WDPCP: variants seen among roughly 807,000 people sequenced by gnomAD.
WDPCP encodes the protein WD repeat-containing and planar cell polarity effector protein fritz homolog.
A neutral mutation model predicts 93.1 loss-of-function variants in WDPCP; 71 were observed. The ratio of observed to expected loss-of-function variants is 0.76; its 90% CI spans 0.63 to 0.93. The LOEUF is 0.93. WDPCP is among the 40% of genes least tolerant of loss of function. The pLI, the probability that WDPCP is intolerant of heterozygous loss-of-function variation, is 0.00. For missense variants in WDPCP, 844 were observed against 887.4 expected (o/e 0.95, Z 0.62); for synonymous variants, 315 against 315.0 (o/e 1.00, Z 0.00).
intron 10 of WDPCP, among the ~76,000 whole-genome samples, chr2:63,386,750 ATC>A (rs759569597): frequency 5.9e-5 from 9 of 152,114 alleles, no homozygotes; most frequent in East Asian, 1.9e-4. Flanking sequence ...AGCATTTTTA[ATC>A]TGTTAGCGAA....
At chr2:63,776,215 C>T (rs903459343) in intron 2 of WDPCP, among the ~76,000 whole-genome samples, 3 of 149,912 alleles carry the variant, frequency 2.0e-5, no homozygotes, top group Non-Finnish European at 1.5e-5. Flanking sequence ...GATAAGCCAC[C>T]GACAGGAAGA....
At chr2:63,336,481 G>A (rs1688376136) in intron 12 of WDPCP, among the ~76,000 whole-genome samples, 1 of 152,108 alleles carries the variant, frequency 6.6e-6, no homozygotes, top group African/African-American at 2.4e-5. Flanking sequence ...GGTTAGCTGT[G>A]GGTTTTCCAT....
At chr2:63,375,599 G>C (rs1691785634) in intron 12 of WDPCP, among the ~76,000 whole-genome samples, 1 of 151,730 alleles carries the variant, frequency 6.6e-6, no homozygotes, top group African/African-American at 2.4e-5. Flanking sequence ...TTGGAAAAAG[G>C]CTTTCAGATA....
At chr2:63,508,017 T>C (rs1221720525) in intron 1 of WDPCP, among the ~76,000 whole-genome samples, 1 of 152,100 alleles carries the variant, frequency 6.6e-6, no homozygotes, top group Non-Finnish European at 1.5e-5. Flanking sequence ...CTCTTCAGGG[T>C]ATTATCCAGG....
intron 13 of WDPCP, 46 bp from the exon 14 acceptor site, chr2:63,259,455 G>C: frequency 6.8e-7 from 1 of 1,473,182 alleles, no homozygotes; most frequent in South Asian, 1.1e-5. Context: ...AATGAACCTT[G>C]CCCAAGTTAC....
At chr2:63,567,310 G>A (rs912319124) in intron 1 of WDPCP, among the ~76,000 whole-genome samples, 9 of 151,982 alleles carry the variant, frequency 5.9e-5, no homozygotes, top group South Asian at 4.2e-4. Flanking sequence ...ACTATCTAGG[G>A]ACCCCCAGCC....
intron 2 of WDPCP, among the ~76,000 whole-genome samples, chr2:63,661,697 T>C (rs1431125247): frequency 6.6e-6 from 1 of 152,220 alleles, no homozygotes; most frequent in African/African-American, 2.4e-5. Flanking sequence ...TGACATTGTG[T>C]TTTGAAGTTA....
At chr2:63,156,707 T>C (rs1672278195) in intron 15 of WDPCP, among the ~76,000 whole-genome samples, 1 of 152,128 alleles carries the variant, frequency 6.6e-6, no homozygotes, top group Admixed American at 6.5e-5. Flanking sequence ...CATTGCACTC[T>C]AGCCTGGGTG....
chr2:63,604,345 A>G (rs752729434), intron 3 of WDPCP, among the ~76,000 whole-genome samples: 2 of 152,380 alleles, frequency 1.3e-5, no homozygotes, highest in Middle Eastern at 3.4e-3. Context: ...GAAACAAAAG[A>G]TCACATTTAC....
chr2:63,574,457 T>C (rs1707772924), intron 1 of WDPCP, among the ~76,000 whole-genome samples: 1 of 152,242 alleles, frequency 6.6e-6, no homozygotes, highest in African/African-American at 2.4e-5. Context: ...TATTTTCTTC[T>C]ACTTTCTGAA....
At chr2:63,425,682 G>T (rs1018191706) in intron 9 of WDPCP, among the ~76,000 whole-genome samples, 2 of 152,190 alleles carry the variant, frequency 1.3e-5, no homozygotes, top group Non-Finnish European at 1.5e-5. Flanking sequence ...ATTTTTAAAA[G>T]AATTTTTAAA....
At chr2:63,657,154 G>A (rs947248237) in intron 2 of WDPCP, among the ~76,000 whole-genome samples, 1 of 150,362 alleles carries the variant, frequency 6.7e-6, no homozygotes, top group Non-Finnish European at 1.5e-5. Context: ...AATTATGGCT[G>A]TGAATTATTG....
intron 15 of WDPCP, among the ~76,000 whole-genome samples, chr2:63,169,917 C>T (rs13034195): frequency 0.65 from 96,420 of 149,204 alleles, 32,333 homozygotes; most frequent in Middle Eastern, 0.77. Context: ...TTTTTGAGAC[C>T]CTATCACTCT....
intron 10 of WDPCP, among the ~76,000 whole-genome samples, chr2:63,389,438 C>A (rs2104994539): frequency 6.6e-6 from 1 of 152,292 alleles, no homozygotes; most frequent in South Asian, 2.1e-4. Flanking sequence ...CCAGCCACTG[C>A]AAAAACATGC....
intron 14 of WDPCP, among the ~76,000 whole-genome samples, chr2:63,247,991 T>C (rs566881474): frequency 1.3e-5 from 2 of 152,256 alleles, no homozygotes; most frequent in Admixed American, 1.3e-4. Flanking sequence ...AACAATCTAA[T>C]TTAAATTGAT....
chr2:63,725,499 A>T (rs1046753967), intron 2 of WDPCP, among the ~76,000 whole-genome samples: 1 of 152,198 alleles, frequency 6.6e-6, no homozygotes, highest in African/African-American at 2.4e-5. Context: ...TAGTGCTGCA[A>T]TGAATATATA....
At chr2:63,607,559 G>C (rs956546945) in intron 3 of WDPCP, among the ~76,000 whole-genome samples, 1 of 149,236 alleles carries the variant, frequency 6.7e-6, no homozygotes, top group Admixed American at 6.7e-5. Context: ...GACTGGGCGC[G>C]GTGGCTCCCG....
intron 1 of WDPCP, among the ~76,000 whole-genome samples, chr2:63,544,658 C>T (rs1014989740): frequency 5.9e-5 from 9 of 152,100 alleles, no homozygotes; most frequent in East Asian, 1.9e-4. Context: ...CTGAGGACAA[C>T]AGAGTAGTAG....
rs183855667 is a variant in WDPCP at position 63,703,840 on chromosome 2, G to C, written n.309-53002C>G. Among the ~76,000 whole-genome samples, 126 of 152,304 alleles carry C rather than the reference G, an allele frequency of 8.3e-4. 4 individuals are homozygous for C. The East Asian group carries it at 0.015, about 18-fold the overall frequency. On this transcript the variant is annotated intron_variant and non_coding_transcript_variant, in intron 2 of 4. Coordinates refer to the WDPCP transcript ENST00000467687. ...AGTTTTTTCCCATTCTGTGAAGAAA[G>C]TCATTGGTAGCTTGATGGGGATGGC...
Sources: gnomAD v4.1 joint callset for allele counts (sites outside exome capture counted in the v4.1 genomes callset) on GRCh38, gnomAD v4.1.1 for gene constraint, MANE v1.5 for transcripts, NCBI Gene and HGNC (gene_info 2026-07-23, HGNC 2026-07-21) for gene names.